KMT2E: variants seen among roughly 807,000 people sequenced by gnomAD.
The protein encoded by KMT2E is lysine methyltransferase 2E (inactive), also known as histone reader KMT2E.
A neutral mutation model predicts 184.6 loss-of-function variants in KMT2E; 30 were observed. That is an observed-to-expected ratio of 0.16 (90% CI 0.12 to 0.22). The LOEUF is 0.22. Ranked by LOEUF, KMT2E falls within the 10% of genes least tolerant of loss-of-function variation. The pLI, the probability that KMT2E is intolerant of heterozygous loss-of-function variation, is 1.00. For missense variants in KMT2E, 2,023 were observed against 2,237.4 expected (o/e 0.90, Z 1.93); for synonymous variants, 815 against 776.5 (o/e 1.05, Z -0.82).
intron 3 of KMT2E, among the ~76,000 whole-genome samples, chr7:105,055,628 C>T (rs559749413): frequency 1.3e-5 from 2 of 152,216 alleles, no homozygotes; most frequent in African/African-American, 2.4e-5. Flanking sequence ...ACATCTTGCA[C>T]TACAGGTAAT....
chr7:105,020,822 G>C (rs1794919757), intron 1 of KMT2E, among the ~76,000 whole-genome samples: 1 of 152,064 alleles, frequency 6.6e-6, no homozygotes, highest in African/African-American at 2.4e-5. Context: ...TAGTGTCAGT[G>C]GTTTTTAGTA....
At position 105,041,043 on chromosome 7, in the gene KMT2E, A is replaced by C; in HGVS notation, c.71+20A>C. On this transcript the variant is annotated intron_variant, in intron 3 of 26. Transcript: ENST00000311117. ...TTCAGAGTAAGTATTTAAATTGGTT[A>C]CATAAGCAAAAAAAAAAAAAAAACC... 2.8e-6 allele frequency: 4 copies of C among 1,411,020 alleles called. No homozygotes were observed. The highest frequency in any genetic ancestry group is 3.8e-6 in the Non-Finnish European group (4 of 1,045,340). 87.4% of individuals were successfully genotyped at this position (1,411,020 alleles called of 1,614,324 possible). A position where few individuals can be genotyped will look rare whatever the true frequency, so the allele number is the denominator to read the frequency against.
At chr7:105,051,266 A>G (rs1584730123) in intron 3 of KMT2E, among the ~76,000 whole-genome samples, 1 of 150,096 alleles carries the variant, frequency 6.7e-6, no homozygotes, top group African/African-American at 2.5e-5. Context: ...GCTCACTGCA[A>G]CCTCCGCTTT....
rs2129569901 is a variant in KMT2E, at chr7:105,107,595, G to A, written c.3138G>A (p.Arg1046=). 6.2e-7 allele frequency: 1 copy of A among 1,614,094 alleles called. No homozygotes were observed. Among genetic ancestry groups the A allele is most frequent in the South Asian group, 1.1e-5 (1 of 91,076 alleles). The change falls in exon 22 of 27, where the codon AGG becomes AGA. Residue 1046 remains arginine, a synonymous_variant. Transcript: ENST00000311117. ...CCCTGGAAACGCCTGCACATGACAG[G>A]GCTGAGCCCAACAGCCAACTGGACT... The part of the protein sequence containing the change: ...HKTLETPAHD[R]AEPNSQLDST...
intron 3 of KMT2E, among the ~76,000 whole-genome samples, chr7:105,050,711 T>TTCTG (rs761194692): frequency 2.6e-5 from 4 of 151,204 alleles, no homozygotes; most frequent in African/African-American, 4.9e-5. Context: ...TTCTCTCTCT[T>TTCTG]TCTGTCTGTC....
intron 13 of KMT2E, chr7:105,089,159 A>C (rs1798100819): frequency 2.9e-6 from 1 of 340,334 alleles, no homozygotes; most frequent in South Asian, 2.2e-5. Flanking sequence ...TTACATGTTG[A>C]GCATCCCTCA....
intron 26 of KMT2E, among the ~76,000 whole-genome samples, 184 bp from the exon 27 acceptor site, chr7:105,111,641 T>C (rs1799285418): frequency 6.6e-6 from 1 of 152,170 alleles, no homozygotes; most frequent in Non-Finnish European, 1.5e-5. Context: ...GCTCATAACT[T>C]TTTGGAACAA....
intron 13 of KMT2E, among the ~76,000 whole-genome samples, chr7:105,087,208 TATATA>T (rs1412370638): frequency 4.8e-5 from 7 of 146,566 alleles, no homozygotes; most frequent in Admixed American, 1.4e-4. Flanking sequence ...TATATATGCT[TATATA>T]ATATATATTA....
chr7:105,071,212 A>T (rs989868131), intron 6 of KMT2E, among the ~76,000 whole-genome samples: 9 of 152,122 alleles, frequency 5.9e-5, no homozygotes, highest in Non-Finnish European at 1.3e-4. Context: ...CTATTCAACT[A>T]GTTGCCTTTG....
rs1288252622 is a variant in KMT2E, at chr7:105,090,157, G to T, written c.1507G>T (p.Asp503Tyr). 3 of 1,612,974 alleles carry T rather than the reference G, an allele frequency of 1.9e-6. No individual in the cohort carries two copies. Among genetic ancestry groups the T allele is most frequent in the Non-Finnish European group, 2.5e-6 (3 of 1,179,606 alleles). Reference sequence around the variant, plus strand: ...AGACAAAGATATTTCAAAAGAAAAAGATACACAAAATCAGAATATTACTTT... The same window carrying T: ...AGACAAAGATATTTCAAAAGAAAAATATACACAAAATCAGAATATTACTTT... Reference protein sequence around the residue: ...KKDKDISKEKDTQNQNITLDC... With the variant: ...KKDKDISKEKYTQNQNITLDC... The change falls in exon 14 of 27, where the codon GAT becomes TAT. Residue 503 changes from aspartate to tyrosine, a missense_variant. This residue lies in a region of KMT2E where 514 missense variants were observed against 621.8 expected (regional missense o/e 0.83). Coordinates refer to ENST00000311117, the MANE Select transcript of KMT2E (RefSeq NM_182931.3).
intron 4 of KMT2E, among the ~76,000 whole-genome samples, chr7:105,063,104 TAGGG>T (rs1796889134): frequency 1.3e-5 from 2 of 151,790 alleles, no homozygotes; most frequent in Admixed American, 1.3e-4. Context: ...TATGATTTGG[TAGGG>T]AGGGAATGAA....
intron 17 of KMT2E, chr7:105,103,737 A>T (rs1291238572): frequency 6.8e-6 from 1 of 147,822 alleles, no homozygotes; most frequent in Non-Finnish European, 1.5e-5. Flanking sequence ...GTAGATTTTT[A>T]AAATGTGTGT....
At position 105,080,306 on chromosome 7, in the gene KMT2E, G is replaced by A. The variant is rs756850036; in HGVS notation, c.1248+1343G>A. 6.6e-5 allele frequency among the ~76,000 whole-genome samples: 10 copies of A among 151,552 alleles called. No individual in the cohort carries two copies. In the Middle Eastern group the frequency reaches 0.014, roughly 206 times the overall value. ...ATATTTTAGTGTGGAGTAGAAAATC[G>A]TGTTGGTTTTGTTTTTTACATGTCA... On this transcript the variant is annotated intron_variant, in intron 12 of 26. Transcript: ENST00000311117.
chr7:105,035,782 C>G (rs1469689837), intron 1 of KMT2E, among the ~76,000 whole-genome samples: 1 of 151,662 alleles, frequency 6.6e-6, no homozygotes, highest in Non-Finnish European at 1.5e-5. Flanking sequence ...TGGTCTCGAA[C>G]TTCTGACCTC....
In KMT2E at chr7:105,077,130, C is replaced by G; in HGVS notation, c.936C>G (p.Asp312Glu). The G allele has an allele frequency of 6.2e-7, 1 of 1,613,738 alleles. No individual in the cohort carries two copies. ...RIALRLGNGN[D>E]KKEMNKSDLN... ...CTCTGAGATTAGGCAATGGAAATGA[C>G]AAAAAAGAGATGAATAAATCCGATT... Residue 312 changes from aspartate to glutamate, a missense_variant, in exon 10 of 27, where the codon GAC becomes GAG. Coordinates refer to ENST00000311117, the MANE Select transcript of KMT2E (RefSeq NM_182931.3).
intron 1 of KMT2E, among the ~76,000 whole-genome samples, chr7:105,019,148 G>C (rs1433407351): frequency 6.6e-6 from 1 of 152,048 alleles, no homozygotes; most frequent in African/African-American, 2.4e-5. Flanking sequence ...TCAAATGAAG[G>C]TGACCCAGAG....
intron 3 of KMT2E, among the ~76,000 whole-genome samples, chr7:105,041,473 C>T (rs1351944014): frequency 5.3e-5 from 8 of 152,298 alleles, no homozygotes; most frequent in East Asian, 1.9e-4. Flanking sequence ...TCTATCTCAG[C>T]TCATTGCAAC....
At chr7:105,043,937 A>G (rs184836466) in intron 3 of KMT2E, among the ~76,000 whole-genome samples, 1 of 152,038 alleles carries the variant, frequency 6.6e-6, no homozygotes, top group Non-Finnish European at 1.5e-5. Context: ...CAAAATAAAA[A>G]TTTTTTAAAA....
chr7:105,074,919 G>A, intron 8 of KMT2E, 104 bp downstream of exon 8: 1 of 761,554 alleles, frequency 1.3e-6, no homozygotes, highest in Non-Finnish European at 1.9e-6. Context: ...TAGCTAAAAA[G>A]GATCTAGCAG....
Sources: gnomAD v4.1 joint callset for allele counts (sites outside exome capture counted in the v4.1 genomes callset) on GRCh38, gnomAD v4.1.1 for gene constraint, gnomAD v4.1.1 regional missense constraint, MANE v1.5 for transcripts, NCBI Gene and HGNC (gene_info 2026-07-23, HGNC 2026-07-21) for gene names.